The following AGAP1 variants were observed in gnomAD, a reference collection of about 807,000 sequenced individuals.
AGAP1 encodes the protein ArfGAP with GTPase domain, ankyrin repeat and PH domain 1.
Under a neutral mutation model 105.3 loss-of-function variants are expected in AGAP1, and 29 were observed. The observed-to-expected ratio is 0.28, with a 90% CI of 0.21 to 0.38. The LOEUF (loss-of-function observed/expected upper bound fraction) is 0.38, where lower values mean the gene tolerates loss of function less well. Among genes scored for constraint, AGAP1 ranks in the 10% least tolerant of loss-of-function variants. The pLI is 1.00. For synonymous variants in AGAP1, 509 were observed against 485.9 expected (o/e 1.05, Z -0.63); for missense variants, 998 against 1,165.1 (o/e 0.86, Z 2.09).
rs1203264530 is a variant in AGAP1, at chr2:236,035,957, T to G, written c.1646-604T>G. Among the ~76,000 whole-genome samples, 2 of 152,074 alleles carry G rather than the reference T, an allele frequency of 1.3e-5. No individual in the cohort carries two copies. Among genetic ancestry groups the G allele is most frequent in the African/African-American group, 4.8e-5 (2 of 41,436 alleles). On this transcript the variant is annotated intron_variant, in intron 13 of 17. Coordinates refer to ENST00000304032, the MANE Select transcript of AGAP1 (RefSeq NM_001037131.3). This position sits in a 1 kb window ranked among gnomAD's most constrained non-coding sequence, Gnocchi z 4.2. ...ATACCCCCAAGTTCCTCTCTTCCCA[T>G]TGCAGACATGGCCCCAGAGTAGCTA...
chr2:235,984,829 C>G (rs1161843932), intron 13 of AGAP1, among the ~76,000 whole-genome samples: 2 of 152,098 alleles, frequency 1.3e-5, no homozygotes, highest in Non-Finnish European at 2.9e-5. Flanking sequence ...ATATTTAGCA[C>G]ATTTTATTTA....
Position 235,981,735 on chromosome 2 carries a change from A to G in AGAP1, c.1645+13112A>G, listed in dbSNP as rs1489540012. 6.6e-6 allele frequency among the ~76,000 whole-genome samples: 1 copy of G among 152,142 alleles called. No homozygotes were observed. Among genetic ancestry groups the G allele is most frequent in the African/African-American group, 2.4e-5 (1 of 41,412 alleles). ...GCCGTTATCCGCATTTTTATAACTG[A>G]GGAAACCGAGGGTCATAAAGTTTAA... On this transcript the variant is annotated intron_variant, in intron 13 of 17. Coordinates refer to ENST00000304032, the MANE Select transcript of AGAP1 (RefSeq NM_001037131.3). This position sits in a 1 kb window ranked among gnomAD's most constrained non-coding sequence, Gnocchi z 5.5.
Position 235,752,166 on chromosome 2 carries a change from T to A in AGAP1, c.673+1678T>A, listed in dbSNP as rs534766175. The stretch of plus-strand genomic sequence containing the variant: ...CCCGTGCATGAGGCCAGCTGCCTGT[T>A]TTCATAAATAGACTTTTCTTCTTTT... On this transcript the variant is annotated intron_variant, in intron 6 of 17. Transcript: ENST00000304032. The surrounding 1 kb of genome is among the most constrained non-coding windows in gnomAD (Gnocchi z 4.3). Among the ~76,000 whole-genome samples the A allele has an allele frequency of 9.2e-5, 14 of 152,278 alleles. No individual in the cohort carries two copies. Among genetic ancestry groups the A allele is most frequent in the Admixed American group, 6.5e-4 (10 of 15,292 alleles).
intron 13 of AGAP1, among the ~76,000 whole-genome samples, chr2:235,995,618 T>G (rs1220126081): frequency 6.6e-6 from 1 of 152,146 alleles, no homozygotes; most frequent in Non-Finnish European, 1.5e-5. Context: ...CCCACAACAA[T>G]GTGTGGCAGA....
Position 235,936,276 on chromosome 2 carries a change from C to T in AGAP1, c.1483+5353C>T, listed in dbSNP as rs1360059890. Among the ~76,000 whole-genome samples, 1 of 152,210 alleles carries T rather than the reference C, an allele frequency of 6.6e-6. No individual in the cohort carries two copies. Among genetic ancestry groups the T allele is most frequent in the Non-Finnish European group, 1.5e-5 (1 of 68,034 alleles). ...CGAGCACAAACACCATGTCCATCTT[C>T]CACATGGAAGGAGTGTATCACATGT... On this transcript the variant is annotated intron_variant, in intron 12 of 17. Transcript: ENST00000304032. This position sits in a 1 kb window ranked among gnomAD's most constrained non-coding sequence, Gnocchi z 4.7.
intron 16 of AGAP1, among the ~76,000 whole-genome samples, chr2:236,081,628 T>C (rs1019282915): frequency 6.6e-6 from 1 of 151,786 alleles, no homozygotes; most frequent in Non-Finnish European, 1.5e-5. Context: ...ATGTGGATGG[T>C]TGAAAAAGTA....
chr2:235,520,662 A>AT lies in AGAP1; in HGVS notation c.163+25821dup, dbSNP rs1345131221. Among the ~76,000 whole-genome samples, 36 of 151,728 alleles carry AT rather than the reference A, an allele frequency of 2.4e-4. 1 individual carries two copies. The East Asian group carries it at 6.0e-3, about 25-fold the overall frequency. On this transcript the variant is annotated intron_variant, in intron 1 of 17. Coordinates refer to ENST00000304032, the MANE Select transcript of AGAP1 (RefSeq NM_001037131.3). ...ATGATGATTTTATAATTCTCTCATT[A>AT]TTTTTTTTGCTGTTATTTGTTTAAG...
At position 235,992,836 on chromosome 2, in the gene AGAP1, A is replaced by T. The variant is rs13403732; in HGVS notation, c.1645+24213A>T. On this transcript the variant is annotated intron_variant, in intron 13 of 17. Coordinates refer to ENST00000304032, the MANE Select transcript of AGAP1 (RefSeq NM_001037131.3). This position sits in a 1 kb window ranked among gnomAD's most constrained non-coding sequence, Gnocchi z 4.8. ...CCAGCCGTTTCCACGCACAGGCTGC[A>T]CATTGTTTCATGGCCTTTGCAGTTG... Among the ~76,000 whole-genome samples the T allele has an allele frequency of 7.3e-3, 1,110 of 152,254 alleles. 14 individuals are homozygous for T. The highest frequency in any genetic ancestry group is 0.025 in the African/African-American group (1,057 of 41,544).
rs1438594767 is a variant in AGAP1, at chr2:235,600,328, G to T, written c.163+105479G>T. ...CTGGCACTACCTTTTCAGCCTGCAT[G>T]GACTGTGCTGGAAACACTCAGTAGC... On this transcript the variant is annotated intron_variant, in intron 1 of 17. Transcript: ENST00000304032. This position sits in a 1 kb window ranked among gnomAD's most constrained non-coding sequence, Gnocchi z 4.8. Among the ~76,000 whole-genome samples the T allele has an allele frequency of 1.3e-5, 2 of 152,074 alleles. No homozygotes were observed. Among genetic ancestry groups the T allele is most frequent in the Non-Finnish European group, 2.9e-5 (2 of 68,028 alleles).
rs575509246 is a variant in AGAP1, at chr2:235,811,296, C to T, written c.1050+3965C>T. 9.8e-5 allele frequency among the ~76,000 whole-genome samples: 15 copies of T among 152,356 alleles called. No homozygotes were observed. In the East Asian group the frequency reaches 2.5e-3, roughly 25 times the overall value. On this transcript the variant is annotated intron_variant, in intron 9 of 17. Transcript: ENST00000304032. ...CCTCTGATGTCCAGGCTGCATAAAC[C>T]GTTCAAGACTTGCCTTGTACTTGGT...
At chr2:235,946,301 T>C (rs2053499200) in intron 12 of AGAP1, among the ~76,000 whole-genome samples, 1 of 148,938 alleles carries the variant, frequency 6.7e-6, no homozygotes, top group South Asian at 2.2e-4. Flanking sequence ...TTTTTTTTTT[T>C]TTGAGACAGA....
intron 1 of AGAP1, among the ~76,000 whole-genome samples, chr2:235,501,394 A>G (rs1941556506): frequency 6.6e-6 from 1 of 152,162 alleles, no homozygotes; most frequent in Admixed American, 6.5e-5. Context: ...ATTATATGAT[A>G]ATTTGGCAGA....
intron 14 of AGAP1, chr2:236,037,231 T>G (rs1325005380): frequency 6.5e-6 from 1 of 152,938 alleles, no homozygotes; most frequent in Non-Finnish European, 1.5e-5. Flanking sequence ...TGGTATGTGT[T>G]TTATTCAATA....
At chr2:235,504,795 G>A (rs1017529054) in intron 1 of AGAP1, among the ~76,000 whole-genome samples, 2 of 152,168 alleles carry the variant, frequency 1.3e-5, no homozygotes, top group Admixed American at 6.5e-5. Flanking sequence ...CATTCTTTCA[G>A]TTGTTTGTTC....
intron 13 of AGAP1, among the ~76,000 whole-genome samples, chr2:236,010,121 A>C (rs1164496463): frequency 6.6e-6 from 1 of 152,020 alleles, no homozygotes; most frequent in Non-Finnish European, 1.5e-5. Flanking sequence ...TTAGTAAAAA[A>C]AAAAAAAACA....
At chr2:235,629,863 C>CAAAAAAAAAAA (rs10691632) in intron 1 of AGAP1, among the ~76,000 whole-genome samples, 32 of 95,496 alleles carry the variant, frequency 3.4e-4, no homozygotes, top group South Asian at 7.9e-4. Flanking sequence ...GACCCTGTCT[C>CAAAAAAAAAAA]AAAAAAAAAA....
At chr2:235,954,452 C>T (rs2053863730) in intron 12 of AGAP1, among the ~76,000 whole-genome samples, 1 of 151,462 alleles carries the variant, frequency 6.6e-6, no homozygotes, top group African/African-American at 2.4e-5. Context: ...GCAGGTCTAA[C>T]TGTATTTCCC....
intron 9 of AGAP1, among the ~76,000 whole-genome samples, chr2:235,854,078 G>T (rs1488267060): frequency 3.3e-5 from 5 of 152,166 alleles, no homozygotes; most frequent in Non-Finnish European, 5.9e-5. Flanking sequence ...CGCCTTATAT[G>T]ACTGGATAAA....
In AGAP1 at chr2:235,734,829, G is replaced by A. The variant is rs908625819; in HGVS notation, c.311-6134G>A. Reference sequence around the variant, plus strand: ...GAAGTTCACATGGAAGAGAGGAGGCGTAAGAAGCAGTCAGAACGTCTGGAT... The same window carrying A: ...GAAGTTCACATGGAAGAGAGGAGGCATAAGAAGCAGTCAGAACGTCTGGAT... On this transcript the variant is annotated intron_variant, in intron 3 of 17. Coordinates refer to ENST00000304032, the MANE Select transcript of AGAP1 (RefSeq NM_001037131.3). The surrounding 1 kb of genome is among the most constrained non-coding windows in gnomAD (Gnocchi z 5.3). Among the ~76,000 whole-genome samples the A allele has an allele frequency of 6.6e-6, 1 of 152,240 alleles. No homozygotes were observed. The highest frequency in any genetic ancestry group is 2.4e-5 in the African/African-American group (1 of 41,462).
Sources: gnomAD v4.1 joint callset for allele counts (sites outside exome capture counted in the v4.1 genomes callset) on GRCh38, gnomAD v4.1.1 for gene constraint, Gnocchi (gnomAD v3.1) non-coding constraint, MANE v1.5 for transcripts, NCBI Gene and HGNC (gene_info 2026-07-23, HGNC 2026-07-21) for gene names.